Variants in PARD3 observed in about 807,000 individuals in gnomAD.
PARD3 encodes the protein partitioning defective 3 homolog.
A neutral mutation model predicts 155.4 loss-of-function variants in PARD3; 75 were observed. That is an observed-to-expected ratio of 0.48 (90% confidence interval 0.40 to 0.58). The LOEUF (loss-of-function observed/expected upper bound fraction) is 0.58, where lower values mean the gene tolerates loss of function less well. PARD3 is among the 20% of genes least tolerant of loss of function. The probability of loss-of-function intolerance (pLI) is 0.00; values close to 1 mark genes in which losing one functional copy is unlikely to be tolerated. For synonymous variants in PARD3, 576 were observed against 610.5 expected (o/e 0.94, Z 0.83); for missense variants, 1,642 against 1,721.7 (o/e 0.95, Z 0.82).
In PARD3 at chr10:34,604,491, C is replaced by A. The variant is rs577672626; in HGVS notation, c.223-87332G>T. 1.8e-3 allele frequency among the ~76,000 whole-genome samples: 275 copies of A among 151,852 alleles called. 1 individual carries two copies. Among genetic ancestry groups the A allele is most frequent in the Non-Finnish European group, 2.5e-3 (167 of 67,982 alleles). On this transcript the variant is annotated intron_variant, in intron 2 of 24. Transcript: ENST00000374788. ...TCTTCCGTTTTGGGACTCTGGCTCT[C>A]CTTGCTCCTCAGCTTGCAGATGGCC...
chr10:34,254,210 T>C (rs1339156593), intron 22 of PARD3, among the ~76,000 whole-genome samples: 1 of 151,848 alleles, frequency 6.6e-6, no homozygotes, highest in Non-Finnish European at 1.5e-5. Flanking sequence ...CGAAACCCTA[T>C]CTCTACTAAA....
chr10:34,479,695 AG>A (rs778771750), intron 3 of PARD3, among the ~76,000 whole-genome samples: 51 of 152,254 alleles, frequency 3.3e-4, no homozygotes, highest in Middle Eastern at 6.8e-3. Flanking sequence ...ATGGCGCACC[AG>A]TGCTGCAACT....
chr10:34,549,131 A>T (rs1564833514), intron 2 of PARD3, among the ~76,000 whole-genome samples: 1 of 152,350 alleles, frequency 6.6e-6, no homozygotes. Context: ...CAATTGTGAT[A>T]ACATAGATAA....
At position 34,336,259 on chromosome 10, in the gene PARD3, T is replaced by G; in HGVS notation, c.2561-16A>C. 6.2e-7 allele frequency: 1 copy of G among 1,604,726 alleles called. No individual in the cohort carries two copies. Among genetic ancestry groups the G allele is most frequent in the South Asian group, 1.1e-5 (1 of 90,612 alleles). ...TCGTCAGCTACTGTTAAAAGGTAAA[T>G]GTATAATAGTTAGCCCAGTTAGTTC... On this transcript the variant is annotated splice_polypyrimidine_tract_variant and intron_variant, in intron 17 of 24. Coordinates refer to ENST00000374788, the MANE Select transcript of PARD3 (RefSeq NM_001184785.2).
At chr10:34,674,417 A>G in intron 2 of PARD3, among the ~76,000 whole-genome samples, 1 of 150,430 alleles carries the variant, frequency 6.6e-6, no homozygotes, top group East Asian at 2.0e-4. Context: ...GGGAGCAGCC[A>G]CAGAGCTGTA....
intron 1 of PARD3, among the ~76,000 whole-genome samples, chr10:34,798,599 G>C (rs1405051641): frequency 1.3e-5 from 2 of 151,510 alleles, no homozygotes; most frequent in African/African-American, 4.9e-5. Context: ...GAGCCGCTCA[G>C]GAAGCTGAGG....
intron 4 of PARD3, among the ~76,000 whole-genome samples, chr10:34,463,133 G>C (rs1241764182): frequency 1.8e-5 from 2 of 111,522 alleles, no homozygotes; most frequent in Non-Finnish European, 3.7e-5. Context: ...GAAAGGAAAA[G>C]GGAAAGAGAA....
chr10:34,602,119 C>T (rs1020825365), intron 2 of PARD3, among the ~76,000 whole-genome samples: 2 of 152,082 alleles, frequency 1.3e-5, no homozygotes, highest in East Asian at 1.9e-4. Flanking sequence ...TTACTGAACA[C>T]GAATATATGG....
intron 2 of PARD3, among the ~76,000 whole-genome samples, chr10:34,607,632 AAAGGT>A (rs1212042726): frequency 6.6e-6 from 1 of 152,240 alleles, no homozygotes; most frequent in East Asian, 1.9e-4. Context: ...AAAGGCAGGA[AAAGGT>A]AAGTCCATCC....
rs142848273 is a variant in PARD3 at position 34,432,041 on chromosome 10, CAAAAAAAAAAAAAA to C, written c.714+18262_714+18275del. 1.4e-3 allele frequency among the ~76,000 whole-genome samples: 31 copies of C among 21,592 alleles called. No individual in the cohort carries two copies. In the East Asian group the frequency reaches 0.045, roughly 32 times the overall value. The allele number at this position is 21,592 out of a possible 152,430, so 14.2% of individuals were successfully genotyped here. A position where few individuals can be genotyped will look rare whatever the true frequency, so the allele number is the denominator to read the frequency against. The stretch of plus-strand genomic sequence containing the variant: ...TGGGCTACAGAGTGAGACTCTGTCT[CAAAAAAAAAAAAAA>C]AAAAAAAAAAAAAAAAGAATGCAGA... On this transcript the variant is annotated intron_variant, in intron 5 of 24. Transcript: ENST00000374788.
intron 22 of PARD3, among the ~76,000 whole-genome samples, chr10:34,201,797 A>G (rs938873225): frequency 6.6e-6 from 1 of 152,180 alleles, no homozygotes; most frequent in African/African-American, 2.4e-5. Flanking sequence ...CGTAAAAACT[A>G]AAGGGAAGAA....
chr10:34,716,929 A>C (rs190402030), intron 1 of PARD3, among the ~76,000 whole-genome samples: 1 of 152,040 alleles, frequency 6.6e-6, no homozygotes, highest in Non-Finnish European at 1.5e-5. Flanking sequence ...ACATATTCAT[A>C]AACTTTCTCA....
chr10:34,270,615 A>G (rs906391741), intron 21 of PARD3, among the ~76,000 whole-genome samples: 5 of 152,198 alleles, frequency 3.3e-5, no homozygotes, highest in Non-Finnish European at 7.3e-5. Flanking sequence ...TATGTAATAT[A>G]TACCTATCTT....
Position 34,111,339 on chromosome 10 carries a change from G to C in PARD3, c.3892C>G (p.Gln1298Glu), listed in dbSNP as rs751602365. Residue 1298 changes from glutamine to glutamate, a missense_variant, in exon 25 of 25, where the codon CAG becomes GAG. Transcript: ENST00000374788. Reference sequence around the variant, plus strand: ...TTGCTGGGCCCCTCGGAAGGAGGCTGCTTCTTCATCTGCTGCTCCTTCCGC... The same window carrying C: ...TTGCTGGGCCCCTCGGAAGGAGGCTCCTTCTTCATCTGCTGCTCCTTCCGC... ...QRRKEQQMKK[Q>E]PPSEGPSNYD... 1.2e-5 allele frequency: 20 copies of C among 1,613,980 alleles called. No individual in the cohort carries two copies. The highest frequency in any genetic ancestry group is 3.3e-5 in the South Asian group (3 of 91,074).
At chr10:34,707,477 T>C (rs2094383483) in intron 1 of PARD3, among the ~76,000 whole-genome samples, 1 of 152,108 alleles carries the variant, frequency 6.6e-6, no homozygotes, top group African/African-American at 2.4e-5. Context: ...CACCTATTTA[T>C]ACATTTAAAC....
At chr10:34,483,687 C>T (rs1449750639) in intron 3 of PARD3, among the ~76,000 whole-genome samples, 1 of 152,180 alleles carries the variant, frequency 6.6e-6, no homozygotes, top group African/African-American at 2.4e-5. Context: ...CTGTCTCACC[C>T]TCAGTGCCCA....
intron 1 of PARD3, among the ~76,000 whole-genome samples, chr10:34,776,976 AC>A (rs1267164262): frequency 6.7e-6 from 1 of 149,980 alleles, no homozygotes; most frequent in Non-Finnish European, 1.5e-5. Flanking sequence ...AGCTGGACTT[AC>A]AGGCATGTGC....
chr10:34,340,914 A>G (rs1426274291), intron 16 of PARD3, among the ~76,000 whole-genome samples: 1 of 152,162 alleles, frequency 6.6e-6, no homozygotes, highest in Non-Finnish European at 1.5e-5. Context: ...TTCTGGTACA[A>G]TACTTCACAT....
intron 22 of PARD3, among the ~76,000 whole-genome samples, chr10:34,205,378 G>A (rs1009868807): frequency 4.6e-5 from 7 of 152,122 alleles, no homozygotes; most frequent in South Asian, 4.1e-4. Flanking sequence ...TAGATAGGCC[G>A]GGTGAAATGA....
Sources: allele counts gnomAD v4.1 joint callset (sites outside exome capture counted in the v4.1 genomes callset), GRCh38; gene constraint gnomAD v4.1.1; transcripts MANE v1.5; gene names NCBI Gene and HGNC (gene_info 2026-07-23, HGNC 2026-07-21).